The following NCAM2 variants were observed in gnomAD, a reference collection of about 807,000 sequenced individuals.
The protein encoded by NCAM2 is neural cell adhesion molecule 2.
NCAM2 carries 30 observed loss-of-function variants against 98.1 expected under a neutral mutation model. That is an observed-to-expected ratio of 0.31 (90% CI 0.23 to 0.41). NCAM2 has a LOEUF of 0.41. Among genes scored for constraint, NCAM2 ranks in the 10% least tolerant of loss-of-function variants. The pLI is 1.00. For synonymous variants in NCAM2, 368 were observed against 342.4 expected, an observed-to-expected ratio of 1.07 and a Z score of -0.83; for missense variants, 867 against 1,005.8, an observed-to-expected ratio of 0.86 and a Z score of 1.87.
intron 1 of NCAM2, among the ~76,000 whole-genome samples, chr21:21,076,043 AGAG>A (rs2146384046): frequency 6.6e-6 from 1 of 151,844 alleles, no homozygotes; most frequent in Non-Finnish European, 1.5e-5. Context: ...CTTGCACCCA[AGAG>A]GAGGAGGTTG....
intron 1 of NCAM2, among the ~76,000 whole-genome samples, chr21:21,216,314 G>A (rs983520978): frequency 1.2e-4 from 18 of 152,284 alleles, no homozygotes; most frequent in African/African-American, 2.6e-4. Flanking sequence ...TGGGGGAAGG[G>A]TGGATTAAAA....
chr21:21,019,766 T>G (rs1270816735), intron 1 of NCAM2, among the ~76,000 whole-genome samples: 2 of 152,190 alleles, frequency 1.3e-5, no homozygotes, highest in Admixed American at 6.5e-5. Flanking sequence ...CAAAGTTACA[T>G]TACCACTCTG....
At chr21:21,272,497 TGCGC>T (rs201869091) in intron 1 of NCAM2, among the ~76,000 whole-genome samples, 2,133 of 145,540 alleles carry the variant, frequency 0.015, 44 homozygotes, top group Admixed American at 0.038. Flanking sequence ...TACACACACA[TGCGC>T]GCGCGCGCAC....
At chr21:21,513,836 G>A (rs1988542733) in intron 16 of NCAM2, among the ~76,000 whole-genome samples, 2 of 151,972 alleles carry the variant, frequency 1.3e-5, no homozygotes, top group South Asian at 4.1e-4. Flanking sequence ...TTTCTCTCTA[G>A]GTCAAATACT....
At chr21:21,357,715 C>T in intron 8 of NCAM2, among the ~76,000 whole-genome samples, 1 of 151,734 alleles carries the variant, frequency 6.6e-6, no homozygotes, top group East Asian at 1.9e-4. Flanking sequence ...TTATTTCTAC[C>T]TTTTTACCAA....
intron 1 of NCAM2, among the ~76,000 whole-genome samples, chr21:21,038,036 A>G (rs1056124072): frequency 6.6e-6 from 1 of 152,148 alleles, no homozygotes; most frequent in Non-Finnish European, 1.5e-5. Context: ...GAAAAATGGG[A>G]AGAAAATATA....
intron 1 of NCAM2, among the ~76,000 whole-genome samples, chr21:21,128,638 T>C (rs2066875582): frequency 6.6e-6 from 1 of 152,188 alleles, no homozygotes; most frequent in Non-Finnish European, 1.5e-5. Flanking sequence ...GTGTAAGTCA[T>C]TTAATTTGAT....
intron 1 of NCAM2, among the ~76,000 whole-genome samples, chr21:21,183,321 C>A (rs138143310): frequency 1.4e-4 from 21 of 152,232 alleles, no homozygotes; most frequent in African/African-American, 5.1e-4. Context: ...AGAAGCAACT[C>A]TCTTAATCCT....
chr21:21,051,862 T>C (rs1255881029), intron 1 of NCAM2, among the ~76,000 whole-genome samples: 1 of 152,168 alleles, frequency 6.6e-6, no homozygotes, highest in Non-Finnish European at 1.5e-5. Context: ...ATATTTCTGA[T>C]GTGGTAATAA....
At chr21:21,422,912 C>T (rs1239582214) in intron 11 of NCAM2, among the ~76,000 whole-genome samples, 2 of 152,026 alleles carry the variant, frequency 1.3e-5, no homozygotes, top group African/African-American at 4.8e-5. Flanking sequence ...GTTATTTCTT[C>T]CTTACAATTT....
At chr21:21,022,249 C>T (rs2064453476) in intron 1 of NCAM2, among the ~76,000 whole-genome samples, 1 of 151,946 alleles carries the variant, frequency 6.6e-6, no homozygotes, top group Admixed American at 6.6e-5. Flanking sequence ...ATGTGTTTTT[C>T]CTTCTTTATT....
rs34970781 is a variant in NCAM2 at position 21,524,423 on chromosome 21, GAAA to G, written c.2283-10101_2283-10099del. On this transcript the variant is annotated intron_variant, in intron 16 of 17. Coordinates refer to ENST00000400546, the MANE Select transcript of NCAM2 (RefSeq NM_004540.5). ...CTATAAGGAACTCATTCAGCAAGCAGAAAAAAAAAAAAAAATGGAATACATGAA... is the reference window on the plus strand; with the variant it reads ...CTATAAGGAACTCATTCAGCAAGCAGAAAAAAAAAAAATGGAATACATGAA... 3.1e-3 allele frequency among the ~76,000 whole-genome samples: 397 copies of G among 129,036 alleles called. 1 individual carries two copies. The highest frequency in any genetic ancestry group is 0.01 in the African/African-American group (368 of 35,456). 84.7% of individuals were successfully genotyped at this position (129,036 alleles called of 152,430 possible).
At chr21:21,172,171 G>A (rs2068146698) in intron 1 of NCAM2, among the ~76,000 whole-genome samples, 1 of 151,620 alleles carries the variant, frequency 6.6e-6, no homozygotes, top group African/African-American at 2.4e-5. Context: ...TCTGACAGAG[G>A]AATGACAATA....
At chr21:21,081,617 A>G (rs1487114477) in intron 1 of NCAM2, among the ~76,000 whole-genome samples, 2 of 149,122 alleles carry the variant, frequency 1.3e-5, no homozygotes, top group Non-Finnish European at 3.0e-5. Context: ...CCTGGCCAAC[A>G]TGGTGAAACC....
intron 1 of NCAM2, among the ~76,000 whole-genome samples, chr21:21,129,019 A>G (rs2066883222): frequency 6.6e-6 from 1 of 152,142 alleles, no homozygotes; most frequent in Non-Finnish European, 1.5e-5. Flanking sequence ...AGAACAACAA[A>G]TATTATCAAA....
intron 12 of NCAM2, among the ~76,000 whole-genome samples, chr21:21,462,055 A>G (rs1230159958): frequency 6.6e-6 from 1 of 152,110 alleles, no homozygotes; most frequent in Non-Finnish European, 1.5e-5. Context: ...TTGTTTACAG[A>G]TCAAAAGCTT....
intron 1 of NCAM2, among the ~76,000 whole-genome samples, chr21:21,149,269 G>A (rs151002405): frequency 5.9e-4 from 90 of 152,236 alleles, no homozygotes; most frequent in African/African-American, 2.1e-3. Flanking sequence ...CATTTTTGGA[G>A]AATTACATTG....
chr21:21,304,211 A>G (rs73320676), intron 5 of NCAM2, among the ~76,000 whole-genome samples: 29 of 152,134 alleles, frequency 1.9e-4, no homozygotes, highest in African/African-American at 6.7e-4. Flanking sequence ...ATTTTCCCCA[A>G]TTCTTCTTTC....
At chr21:21,200,329 T>C (rs1482327422) in intron 1 of NCAM2, among the ~76,000 whole-genome samples, 1 of 150,814 alleles carries the variant, frequency 6.6e-6, no homozygotes, top group African/African-American at 2.4e-5. Flanking sequence ...GTGAGGGTTC[T>C]CAGAAGTCGC....
Sources: gnomAD v4.1 joint callset for allele counts (sites outside exome capture counted in the v4.1 genomes callset) on GRCh38, gnomAD v4.1.1 for gene constraint, MANE v1.5 for transcripts, NCBI Gene and HGNC (gene_info 2026-07-23, HGNC 2026-07-21) for gene names.